RNF112: variants seen among roughly 807,000 people sequenced by gnomAD.
The protein encoded by RNF112 is ring finger protein 112, also known as brain finger protein.
In RNF112, 34 loss-of-function variants were observed where a neutral mutation model predicts 64.7. That is an observed-to-expected ratio of 0.53 (90% CI 0.40 to 0.70). The LOEUF (loss-of-function observed/expected upper bound fraction) is 0.70, where lower values mean the gene tolerates loss of function less well. Ranked by LOEUF, RNF112 falls within the 30% of genes least tolerant of loss-of-function variation. The probability of loss-of-function intolerance (pLI) is 0.00; values close to 1 mark genes in which losing one functional copy is unlikely to be tolerated. For missense variants in RNF112, 734 were observed against 850.0 expected (o/e 0.86, Z 1.70); for synonymous variants, 345 against 344.5 (o/e 1.00, Z -0.02).
Position 19,413,299 on chromosome 17 carries a change from G to A in RNF112, c.608G>A (p.Arg203Gln), listed in dbSNP as rs765682865. 1.9e-5 allele frequency: 31 copies of A among 1,611,274 alleles called. No individual in the cohort carries two copies. The highest frequency in any genetic ancestry group is 2.7e-5 in the African/African-American group (2 of 74,864). The change falls in exon 5 of 14, where the codon CGG (arginine) becomes CAG (glutamine). Residue 203 changes from arginine to glutamine, a missense_variant. Arg to Gln is a conservative substitution (Grantham distance 43). Coordinates refer to ENST00000461366, the MANE Select transcript of RNF112 (RefSeq NM_007148.5). This position sits in a 1 kb window ranked among gnomAD's most constrained non-coding sequence, Gnocchi z 5.9. The stretch of plus-strand genomic sequence containing the variant: ...CTGCAGGAGTCTGGTGAGGGCGGCC[G>A]GCCAAGAGGAGGAGAGGCATCCCTG... ...LPGLESGEGG[R>Q]PRGGEASLQG...
rs1179383428 is a variant in RNF112 at position 19,413,182 on chromosome 17, A to G, written c.588+38A>G. 6.3e-7 allele frequency: 1 copy of G among 1,599,986 alleles called. No homozygotes were observed. On this transcript the variant is annotated intron_variant, in intron 4 of 13. Coordinates refer to ENST00000461366, the MANE Select transcript of RNF112 (RefSeq NM_007148.5). The surrounding 1 kb of genome is among the most constrained non-coding windows in gnomAD (Gnocchi z 5.9). ...CGGGGCAGGAGGGAGGCGGGGAGCAAGGATGGGGGTTCCTGCCTGGGGGAA... is the reference window on the plus strand; with the variant it reads ...CGGGGCAGGAGGGAGGCGGGGAGCAGGGATGGGGGTTCCTGCCTGGGGGAA...
rs568197610 is a variant in RNF112, at chr17:19,414,317, A to C, written c.877-132A>C. The stretch of plus-strand genomic sequence containing the variant: ...AGAGATGTGTGGTCTGGGGAGAGGC[A>C]GGAGAACCCCAGGCTGCAAAAGGGG... On this transcript the variant is annotated intron_variant, in intron 7 of 13. Transcript: ENST00000461366. 450 of 1,175,532 alleles carry C rather than the reference A, an allele frequency of 3.8e-4. 1 individual carries two copies. The highest frequency in any genetic ancestry group is 2.1e-3 in the African/African-American group (139 of 66,386). The allele number at this position is 1,175,532 out of a possible 1,614,324, so 72.8% of individuals were successfully genotyped here. A position where few individuals can be genotyped will look rare whatever the true frequency, so the allele number is the denominator to read the frequency against.
Position 19,413,157 on chromosome 17 carries a change from C to CGG in RNF112, c.588+16_588+17dup. Reference sequence around the variant, plus strand: ...CTTGCCGGGCCTGGTGAGGGCGGGGCGGGGCAGGAGGGAGGCGGGGAGCAA... The same window carrying CGG: ...CTTGCCGGGCCTGGTGAGGGCGGGGCGGGGGGCAGGAGGGAGGCGGGGAGCAA... On this transcript the variant is annotated intron_variant, in intron 4 of 13. Coordinates refer to ENST00000461366, the MANE Select transcript of RNF112 (RefSeq NM_007148.5). The surrounding 1 kb of genome is among the most constrained non-coding windows in gnomAD (Gnocchi z 5.9). The CGG allele has an allele frequency of 6.4e-7, 1 of 1,560,350 alleles. No individual in the cohort carries two copies.
In RNF112 at chr17:19,415,159, G is replaced by C. The variant is rs763517847; in HGVS notation, c.1248G>C (p.Arg416Ser). The C allele has an allele frequency of 3.7e-6, 6 of 1,609,266 alleles. No homozygotes were observed. Among genetic ancestry groups the C allele is most frequent in the Non-Finnish European group, 5.1e-6 (6 of 1,178,900 alleles). The change falls in exon 11 of 14, where the codon AGG becomes AGC. Residue 416 changes from arginine (R) to serine (S), a missense_variant. Coordinates refer to ENST00000461366, the MANE Select transcript of RNF112 (RefSeq NM_007148.5). The surrounding 1 kb of genome is among the most constrained non-coding windows in gnomAD (Gnocchi z 7.8). Reference protein sequence around the residue: ...GYWNEGRAVARGDRRLLTGQQ... With the variant: ...GYWNEGRAVASGDRRLLTGQQ... ...GGAACGAGGGGCGCGCCGTGGCCAG[G>C]GGGGACAGACGCCTACTCACGGGGC...
In RNF112 at chr17:19,412,995, G is replaced by A. The variant is rs756649083; in HGVS notation, c.439G>A (p.Gly147Ser). 5.0e-6 allele frequency: 8 copies of A among 1,610,234 alleles called. No homozygotes were observed. In the South Asian group the frequency reaches 5.5e-5, roughly 11 times the overall value. ...GCTGGTTCGCATCAATGCCTCTGGG[G>A]GCCTCATCCTTAGGATGGGGGCCAT... Reference protein sequence around the residue: ...LLLVRINASGGLILRMGAINR... With the variant: ...LLLVRINASGSLILRMGAINR... The change falls in exon 4 of 14, where the codon GGC (glycine) becomes AGC (serine). Residue 147 changes from glycine (G) to serine (S), a missense_variant. Gly to Ser is a moderately conservative substitution (Grantham distance 56). Transcript: ENST00000461366. The surrounding 1 kb of genome is among the most constrained non-coding windows in gnomAD (Gnocchi z 5.1).
Position 19,415,948 on chromosome 17 carries a change from G to A in RNF112, c.1669G>A (p.Gly557Arg), listed in dbSNP as rs1484579014. 5 of 1,601,350 alleles carry A rather than the reference G, an allele frequency of 3.1e-6. No homozygotes were observed. The highest frequency in any genetic ancestry group is 1.7e-4 in the Middle Eastern group (1 of 6,008). The change falls in exon 14 of 14, where the codon GGG becomes AGG. Residue 557 changes from glycine to arginine, a missense_variant. Coordinates refer to ENST00000461366, the MANE Select transcript of RNF112 (RefSeq NM_007148.5). This position sits in a 1 kb window ranked among gnomAD's most constrained non-coding sequence, Gnocchi z 7.8. ...TGCTGTGGGGGGTGCTGTGGGGGCC[G>A]GGCTCATGGGCCTGGCAGGGGGCGT... ...LAAVGGAVGAGLMGLAGGVVG... is the reference protein window; with the variant it reads ...LAAVGGAVGARLMGLAGGVVG...
rs536212522 is a variant in RNF112 at position 19,416,502 on chromosome 17, C to T, written c.*327C>T. On this transcript the variant is annotated 3_prime_UTR_variant, in exon 14 of 14. Transcript: ENST00000461366. ...ACCCTCCCCACCTGGCTCATTTCCC[C>T]GATGACCCTGGATTGTAGGAAAGTT... The T allele has an allele frequency of 6.5e-5, 18 of 276,446 alleles. No individual in the cohort carries two copies. The highest frequency in any genetic ancestry group is 2.0e-4 in the South Asian group (3 of 14,788). The allele number at this position is 276,446 out of a possible 1,614,324, so 17.1% of individuals were successfully genotyped here. A position where few individuals can be genotyped will look rare whatever the true frequency, so the allele number is the denominator to read the frequency against.
At position 19,415,900 on chromosome 17, in the gene RNF112, A is replaced by G. The variant is rs1913873809; in HGVS notation, c.1621A>G (p.Met541Val). The change falls in exon 14 of 14, where the codon ATG becomes GTG. Residue 541 changes from methionine to valine, a missense_variant. Met to Val is a conservative substitution (Grantham distance 21). Coordinates refer to ENST00000461366, the MANE Select transcript of RNF112 (RefSeq NM_007148.5). This position sits in a 1 kb window ranked among gnomAD's most constrained non-coding sequence, Gnocchi z 7.8. ...TAKAFMDSYT[M>V]RFCGHLAAVG... ...CAAGGCCTTCATGGACTCCTACACG[A>G]TGCGCTTCTGTGGCCACCTAGCTGC... The G allele has an allele frequency of 3.1e-6, 5 of 1,612,148 alleles. No individual in the cohort carries two copies. The highest frequency in any genetic ancestry group is 4.2e-6 in the Non-Finnish European group (5 of 1,179,470).
chr17:19,414,245 T>C, intron 7 of RNF112, 100 bp downstream of exon 7: 3 of 1,219,384 alleles, frequency 2.5e-6, no homozygotes, highest in Non-Finnish European at 3.6e-6. Flanking sequence ...GCCTAGGGTT[T>C]TATGACACTT....
In RNF112 at chr17:19,415,408, G is replaced by A. The variant is rs1461549352; in HGVS notation, c.1350+69G>A. 8.4e-6 allele frequency: 13 copies of A among 1,543,606 alleles called. No individual in the cohort carries two copies. The Admixed American group carries it at 2.0e-4, about 23-fold the overall frequency. On this transcript the variant is annotated intron_variant, in intron 12 of 13. Coordinates refer to ENST00000461366, the MANE Select transcript of RNF112 (RefSeq NM_007148.5). This position sits in a 1 kb window ranked among gnomAD's most constrained non-coding sequence, Gnocchi z 7.8. ...GAGGCAGGGAGGTGGGGGCTGTGCC[G>A]AGGCCTCCGGGGTGGGGGTCTGTGT... is the stretch of plus-strand genomic sequence containing the variant.
Position 19,415,774 on chromosome 17 carries a change from A to T in RNF112, c.1495A>T (p.Thr499Ser), listed in dbSNP as rs753009260. The T allele has an allele frequency of 2.5e-6, 4 of 1,613,580 alleles. No individual in the cohort carries two copies. Among genetic ancestry groups the T allele is most frequent in the Non-Finnish European group, 3.4e-6 (4 of 1,179,852 alleles). The change falls in exon 14 of 14, where the codon ACC becomes TCC. Residue 499 changes from threonine to serine, a missense_variant. Physicochemically the swap from Thr to Ser is moderately conservative, Grantham distance 58 (BLOSUM62 1). Coordinates refer to ENST00000461366, the MANE Select transcript of RNF112 (RefSeq NM_007148.5). The surrounding 1 kb of genome is among the most constrained non-coding windows in gnomAD (Gnocchi z 7.8). ...AGACACCATGCGGAACCTCCTCTCC[A>T]CCCAGAAAGATGCCATTCTGGCCCG... ...LPDTMRNLLS[T>S]QKDAILARHG...
chr17:19,414,497 C>T lies in RNF112; in HGVS notation c.925C>T (p.Pro309Ser). The change falls in exon 8 of 14, where the codon CCA becomes TCA. Residue 309 changes from proline to serine, a missense_variant. By Grantham distance (74) the Pro-to-Ser change is moderately conservative. Transcript: ENST00000461366. ...GATGGGCAAGCATTATGGGATGGTG[C>T]CAATCCAGGTGAGACACCTATCTCT... ...EVMGKHYGMV[P>S]IQHLDLLVRD... 1 of 1,613,980 alleles carries T rather than the reference C, an allele frequency of 6.2e-7. No individual in the cohort carries two copies.
In RNF112 at chr17:19,415,097, G is replaced by GC. The variant is rs779219461; in HGVS notation, c.1192dup (p.Gln398ProfsTer4). 4.6e-5 allele frequency: 74 copies of GC among 1,605,236 alleles called. No individual in the cohort carries two copies. The highest frequency in any genetic ancestry group is 6.1e-5 in the Non-Finnish European group (72 of 1,177,548). ...CTACGTCTCAGATGTGCTGAGTGCG[G>GC]CCCCCCAGCACGCTAAGAGCCGCTG... On this transcript the variant is annotated frameshift_variant, in exon 11 of 14. Coordinates refer to ENST00000461366, the MANE Select transcript of RNF112 (RefSeq NM_007148.5). LOFTEE classifies it high-confidence loss of function. The surrounding 1 kb of genome is among the most constrained non-coding windows in gnomAD (Gnocchi z 7.8).
rs1212648904 is a variant in RNF112 at position 19,412,555 on chromosome 17, C to T, written c.153C>T (p.Pro51=). The change falls in exon 3 of 14, where the codon CCC becomes CCT. Residue 51 remains proline, a synonymous_variant. Coordinates refer to ENST00000461366, the MANE Select transcript of RNF112 (RefSeq NM_007148.5). The surrounding 1 kb of genome is among the most constrained non-coding windows in gnomAD (Gnocchi z 5.1). ...GCCTGGGGCCCCAGCCCATGGCGCC[C>T]CGGGAGCTCCCTACCTGCTCCATCT... is the stretch of plus-strand genomic sequence containing the variant. ...ELGLGPQPMA[P]RELPTCSICL... 3.1e-6 allele frequency: 5 copies of T among 1,613,400 alleles called. No homozygotes were observed. In the African/African-American group the frequency reaches 6.7e-5, roughly 22 times the overall value.
rs1719965176 is a variant in RNF112, at chr17:19,416,511, T to G, written c.*336T>G. The G allele has an allele frequency of 7.8e-6, 2 of 254,914 alleles. No individual in the cohort carries two copies. Among genetic ancestry groups the G allele is most frequent in the South Asian group, 1.5e-4 (2 of 13,200 alleles). 15.8% of individuals were successfully genotyped at this position (254,914 alleles called of 1,614,324 possible). A position where few individuals can be genotyped will look rare whatever the true frequency, so the allele number is the denominator to read the frequency against. On this transcript the variant is annotated 3_prime_UTR_variant, in exon 14 of 14. Coordinates refer to ENST00000461366, the MANE Select transcript of RNF112 (RefSeq NM_007148.5). ...ACCTGGCTCATTTCCCCGATGACCC[T>G]GGATTGTAGGAAAGTTAAGCAGGCA...
rs919420160 is a variant in RNF112 at position 19,414,092 on chromosome 17, C to T, written c.826-3C>T. 2.0e-5 allele frequency: 32 copies of T among 1,600,036 alleles called. No individual in the cohort carries two copies. The highest frequency in any genetic ancestry group is 2.6e-5 in the Non-Finnish European group (30 of 1,168,288). On this transcript the variant is annotated splice_region_variant and splice_polypyrimidine_tract_variant and intron_variant, in intron 6 of 13. Transcript: ENST00000461366. ...TCATACATGTTGTTCTCTCTGATTC[C>T]AGATCCTCAGCACCTCCCAGGAGCT...
In RNF112 at chr17:19,412,690, G is replaced by A. The variant is rs761628038; in HGVS notation, c.288G>A (p.Glu96=). The part of the protein sequence containing the change: ...LPGCEPPCCP[E]CRKICKQKRG... ...GCTGTGAGCCGCCCTGCTGTCCTGA[G>A]TGCCGGAAGATATGCAAGCAGAAGA... Residue 96 remains glutamate (E), a synonymous_variant, in exon 3 of 14, where the codon GAG becomes GAA. Transcript: ENST00000461366. This position sits in a 1 kb window ranked among gnomAD's most constrained non-coding sequence, Gnocchi z 5.1. 3.4e-5 allele frequency: 55 copies of A among 1,613,388 alleles called. No individual in the cohort carries two copies. The Middle Eastern group carries it at 9.9e-4, about 29-fold the overall frequency.
intron 2 of RNF112, 106 bp downstream of exon 2, chr17:19,411,776 C>A: frequency 8.3e-7 from 1 of 1,208,440 alleles, no homozygotes; most frequent in Non-Finnish European, 1.2e-6. Context: ...GCCGGGAGGG[C>A]TGTCCGCCTG....
In RNF112 at chr17:19,415,263, C is replaced by A; in HGVS notation, c.1297-23C>A. On this transcript the variant is annotated intron_variant, in intron 11 of 13. Coordinates refer to ENST00000461366, the MANE Select transcript of RNF112 (RefSeq NM_007148.5). This position sits in a 1 kb window ranked among gnomAD's most constrained non-coding sequence, Gnocchi z 7.8. Reference sequence around the variant, plus strand: ...TCGGCTGGGCCCCTGCTCTCCCTGACCCCAGCGATGGTATCTCCGCAGAAC... The same window carrying A: ...TCGGCTGGGCCCCTGCTCTCCCTGAACCCAGCGATGGTATCTCCGCAGAAC... 3 of 1,600,466 alleles carry A rather than the reference C, an allele frequency of 1.9e-6. No individual in the cohort carries two copies. The highest frequency in any genetic ancestry group is 2.6e-6 in the Non-Finnish European group (3 of 1,176,250).
Sources: allele counts gnomAD v4.1 joint callset, GRCh38; gene constraint gnomAD v4.1.1; non-coding constraint Gnocchi (gnomAD v3.1); transcripts MANE v1.5; gene names NCBI Gene and HGNC (gene_info 2026-07-23, HGNC 2026-07-21).